PTPRD: variants seen among roughly 807,000 people sequenced by gnomAD.
PTPRD encodes protein tyrosine phosphatase receptor type D, also known as receptor-type tyrosine-protein phosphatase delta.
In PTPRD, 34 loss-of-function variants were observed where a neutral mutation model predicts 214.5. The observed-to-expected ratio is 0.16, with a 90% confidence interval of 0.12 to 0.21. PTPRD has a LOEUF of 0.21. Ranked by LOEUF, PTPRD falls within the 10% of genes least tolerant of loss-of-function variation. The pLI, the probability that PTPRD is intolerant of heterozygous loss-of-function variation, is 1.00. For synonymous variants in PTPRD, 1,128 were observed against 845.7 expected (o/e 1.33, Z -5.79); for missense variants, 2,545 against 2,398.7 (o/e 1.06, Z -1.27).
At chr9:10,611,168 G>A (rs1037947101) in intron 2 of PTPRD, among the ~76,000 whole-genome samples, 2 of 152,104 alleles carry the variant, frequency 1.3e-5, no homozygotes, top group Non-Finnish European at 2.9e-5. Context: ...GAAATTAACA[G>A]TTAAAGATAA....
rs1825636603 is a variant in PTPRD at position 8,319,882 on chromosome 9, G to A, written c.5619C>T (p.Phe1873=). Residue 1873 remains phenylalanine, a synonymous_variant, in exon 45 of 46, where the codon TTC becomes TTT. Transcript: ENST00000381196. ...RMRYEGVVDI[F]QTVKMLRTQR... is the part of the protein sequence containing the mutation. ...GTGTTCTTAACATTTTGACAGTCTG[G>A]AAGATATCTACAACTCCTTCATATC... 1 of 1,612,944 alleles carries A rather than the reference G, an allele frequency of 6.2e-7. No individual in the cohort carries two copies. Among genetic ancestry groups the A allele is most frequent in the Admixed American group, 1.7e-5 (1 of 59,830 alleles).
intron 3 of PTPRD, among the ~76,000 whole-genome samples, chr9:10,250,245 C>G (rs1177124272): frequency 1.3e-5 from 2 of 152,082 alleles, no homozygotes; most frequent in South Asian, 4.1e-4. Flanking sequence ...AAGCAAGTGA[C>G]TTCCTTCAAG....
intron 14 of PTPRD, among the ~76,000 whole-genome samples, chr9:8,625,263 A>G (rs1034298866): frequency 1.3e-5 from 2 of 151,900 alleles, no homozygotes; most frequent in Non-Finnish European, 2.9e-5. Context: ...AAGTTTTTGT[A>G]TAAATATTGA....
intron 14 of PTPRD, among the ~76,000 whole-genome samples, chr9:8,587,547 T>C (rs1382547871): frequency 1.3e-5 from 2 of 152,222 alleles, no homozygotes; most frequent in Admixed American, 6.5e-5. Flanking sequence ...AATATAACCT[T>C]CTATATAATA....
At chr9:9,948,879 T>C (rs1194488851) in intron 4 of PTPRD, among the ~76,000 whole-genome samples, 1 of 152,024 alleles carries the variant, frequency 6.6e-6, no homozygotes, top group Non-Finnish European at 1.5e-5. Flanking sequence ...AAGAACAAGA[T>C]ATGGCAGTCA....
intron 7 of PTPRD, among the ~76,000 whole-genome samples, chr9:9,642,068 T>C (rs1384522950): frequency 6.7e-6 from 1 of 148,910 alleles, no homozygotes; most frequent in Non-Finnish European, 1.5e-5. Context: ...ATATACACCA[T>C]GGAATACTAT....
At chr9:9,847,278 C>T (rs923456236) in intron 5 of PTPRD, among the ~76,000 whole-genome samples, 1 of 152,112 alleles carries the variant, frequency 6.6e-6, no homozygotes, top group African/African-American at 2.4e-5. Flanking sequence ...CAATGGGACA[C>T]ATACTATCAT....
chr9:8,321,563 C>T (rs765074755), intron 44 of PTPRD, among the ~76,000 whole-genome samples: 2 of 131,086 alleles, frequency 1.5e-5, no homozygotes, highest in Non-Finnish European at 3.2e-5. Context: ...TAGCATTATA[C>T]TAAAGGAATA....
intron 39 of PTPRD, among the ~76,000 whole-genome samples, chr9:8,359,725 G>A (rs1038236270): frequency 1.3e-5 from 2 of 152,146 alleles, no homozygotes; most frequent in Non-Finnish European, 2.9e-5. Flanking sequence ...CATTTTACAG[G>A]TGGAGAGACT....
At chr9:9,720,379 G>T (rs926275506) in intron 7 of PTPRD, among the ~76,000 whole-genome samples, 4 of 152,162 alleles carry the variant, frequency 2.6e-5, no homozygotes, top group African/African-American at 9.7e-5. Flanking sequence ...AGAGTTTACT[G>T]GAGAAAAATA....
chr9:9,121,123 T>G (rs1482933832), intron 10 of PTPRD, among the ~76,000 whole-genome samples: 1 of 152,194 alleles, frequency 6.6e-6, no homozygotes, highest in Non-Finnish European at 1.5e-5. Flanking sequence ...ATTTCTCTTG[T>G]AGTAAACAGA....
rs71332747 is a variant in PTPRD at position 10,504,115 on chromosome 9, CAAAAA to C, written c.-600+108278_-600+108282del. On this transcript the variant is annotated intron_variant, in intron 2 of 45. Transcript: ENST00000381196. The stretch of plus-strand genomic sequence containing the variant: ...TGGGGCACAGAGCGAGACTCTGTCT[CAAAAA>C]AAAAAAAAAAAAAAAAAAAAAGATG... Among the ~76,000 whole-genome samples the C allele has an allele frequency of 1.4e-3, 38 of 26,964 alleles. 2 individuals are homozygous for C. The highest frequency in any genetic ancestry group is 3.1e-3 in the Admixed American group (4 of 1,296). The allele number at this position is 26,964 out of a possible 152,430, so 17.7% of individuals were successfully genotyped here.
At chr9:10,309,456 G>T (rs369321708) in intron 3 of PTPRD, among the ~76,000 whole-genome samples, 1 of 150,902 alleles carries the variant, frequency 6.6e-6, no homozygotes, top group Non-Finnish European at 1.5e-5. Context: ...GGGTTCAATC[G>T]ATTCTCCTGC....
At chr9:8,360,474 G>T (rs1290328171) in intron 39 of PTPRD, among the ~76,000 whole-genome samples, 1 of 152,140 alleles carries the variant, frequency 6.6e-6, no homozygotes. Flanking sequence ...TGCTTCACTT[G>T]AGGTTTTGTC....
At chr9:9,964,243 A>C (rs1587561430) in intron 4 of PTPRD, among the ~76,000 whole-genome samples, 1 of 152,326 alleles carries the variant, frequency 6.6e-6, no homozygotes, top group East Asian at 1.9e-4. Context: ...TGAGGGAATC[A>C]TCTATCAAAT....
intron 8 of PTPRD, among the ~76,000 whole-genome samples, chr9:9,528,715 AGAAAAAG>A (rs1369029020): frequency 6.6e-6 from 1 of 152,082 alleles, no homozygotes; most frequent in African/African-American, 2.4e-5. Context: ...AGGTAGATGA[AGAAAAAG>A]GAAATATTGC....
chr9:8,940,951 A>G (rs1331876279), intron 11 of PTPRD, among the ~76,000 whole-genome samples: 1 of 152,144 alleles, frequency 6.6e-6, no homozygotes, highest in East Asian at 1.9e-4. Context: ...GACTTAGTTC[A>G]AAGCAAGAAA....
chr9:9,592,556 G>A (rs1001725911), intron 7 of PTPRD, among the ~76,000 whole-genome samples: 5 of 151,878 alleles, frequency 3.3e-5, no homozygotes, highest in Admixed American at 6.6e-5. Flanking sequence ...TTTGAGCATC[G>A]AGCAAATCAA....
intron 14 of PTPRD, among the ~76,000 whole-genome samples, chr9:8,619,158 C>T (rs944355276): frequency 2.0e-5 from 3 of 151,874 alleles, no homozygotes; most frequent in Admixed American, 1.3e-4. Flanking sequence ...TTAAATCTTG[C>T]TCAGTAACAT....
Sources: gnomAD v4.1 joint callset for allele counts (sites outside exome capture counted in the v4.1 genomes callset) on GRCh38, gnomAD v4.1.1 for gene constraint, MANE v1.5 for transcripts, NCBI Gene and HGNC (gene_info 2026-07-23, HGNC 2026-07-21) for gene names.